The following MYLK3 variants were observed in gnomAD, a reference collection of about 807,000 sequenced individuals.
MYLK3 encodes MLC kinase.
MYLK3 carries 55 observed loss-of-function variants against 76.3 expected under a neutral mutation model. The observed-to-expected ratio is 0.72, with a 90% confidence interval of 0.58 to 0.90. MYLK3 has a LOEUF of 0.90. MYLK3 is among the 40% of genes least tolerant of loss of function. MYLK3 has a pLI of 0.00. For synonymous variants in MYLK3, 416 were observed against 425.4 expected (o/e 0.98, Z 0.27); for missense variants, 973 against 1,053.6 (o/e 0.92, Z 1.06).
chr16:46,710,572 TGC>T lies in MYLK3; in HGVS notation c.2267+63_2267+64del. On this transcript the variant is annotated intron_variant, in intron 11 of 12. Coordinates refer to ENST00000394809, the MANE Select transcript of MYLK3 (RefSeq NM_182493.3). Reference sequence around the variant, plus strand: ...GAAGGACCTTCACGGTCAGCAGTCCTGCCCAGCTCCCAGACCTGGGGTCCCCA... The same window carrying T: ...GAAGGACCTTCACGGTCAGCAGTCCTCCAGCTCCCAGACCTGGGGTCCCCA... The T allele has an allele frequency of 1.9e-6, 3 of 1,584,526 alleles. No individual in the cohort carries two copies. The South Asian group carries it at 3.3e-5, about 18-fold the overall frequency.
chr16:46,734,901 G>T (rs1457129002), intron 3 of MYLK3, among the ~76,000 whole-genome samples: 1 of 152,140 alleles, frequency 6.6e-6, no homozygotes, highest in Non-Finnish European at 1.5e-5. Context: ...CAGCACTTTG[G>T]GAGGCTGAGG....
intron 4 of MYLK3, among the ~76,000 whole-genome samples, chr16:46,730,940 GAGA>G (rs1555470494): frequency 6.6e-6 from 1 of 152,230 alleles, no homozygotes; most frequent in Non-Finnish European, 1.5e-5. Flanking sequence ...TGGCAAGGCC[GAGA>G]AGTTCTATCC....
intron 9 of MYLK3, among the ~76,000 whole-genome samples, chr16:46,715,835 G>A (rs1966732347): frequency 6.6e-6 from 1 of 152,120 alleles, no homozygotes; most frequent in African/African-American, 2.4e-5. Flanking sequence ...TGTATTGGGG[G>A]GAAATTAGCA....
At position 46,732,489 on chromosome 16, in the gene MYLK3, G is replaced by A. The variant is rs1463963501; in HGVS notation, c.1181C>T (p.Pro394Leu). The change falls in exon 4 of 13, where the codon CCT becomes CTT. Residue 394 changes from proline to leucine, a missense_variant. Physicochemically the swap from Pro to Leu is moderately conservative, Grantham distance 98 (BLOSUM62 -3). Coordinates refer to ENST00000394809, the MANE Select transcript of MYLK3 (RefSeq NM_182493.3). ...APGTEPGEQT[P>L]EGARELSPLQ... ...CGGGGAGAGCTCTCTGGCTCCTTCAGGGGTCTGTTCTCCGGGCTCAGTCCC... is the reference window on the plus strand; with the variant it reads ...CGGGGAGAGCTCTCTGGCTCCTTCAAGGGTCTGTTCTCCGGGCTCAGTCCC... The A allele has an allele frequency of 1.2e-6, 2 of 1,608,956 alleles. No homozygotes were observed. Among genetic ancestry groups the A allele is most frequent in the African/African-American group, 2.7e-5 (2 of 75,072 alleles).
chr16:46,732,156 C>T, intron 4 of MYLK3, 52 bp downstream of exon 4: 1 of 1,469,362 alleles, frequency 6.8e-7, no homozygotes, highest in Non-Finnish European at 9.1e-7. Context: ...GTAGGGGCTC[C>T]AAACTCCCTC....
chr16:46,725,126 T>A (rs575188588), intron 8 of MYLK3, among the ~76,000 whole-genome samples: 7 of 152,354 alleles, frequency 4.6e-5, no homozygotes, highest in African/African-American at 1.7e-4. Context: ...GAAATACAAT[T>A]GATTTTTGTA....
chr16:46,755,906 C>CTTTTTTTTTTTTTTTTTTTTTT (rs772833701), intron 1 of MYLK3, among the ~76,000 whole-genome samples: 1 of 109,772 alleles, frequency 9.1e-6, no homozygotes, highest in East Asian at 2.6e-4. Flanking sequence ...TTTTTTCTTT[C>CTTTTTTTTTTTTTTTTTTTTTT]TTTTTTTTTT....
chr16:46,739,332 A>T (rs1004675763), intron 2 of MYLK3, among the ~76,000 whole-genome samples: 1 of 152,162 alleles, frequency 6.6e-6, no homozygotes, highest in African/African-American at 2.4e-5. Context: ...TTGACTTTGG[A>T]ACCACATAAA....
At chr16:46,748,946 C>T (rs985291321), upstream of MYLK3, among the ~76,000 whole-genome samples, 1 of 152,136 alleles carries the variant, frequency 6.6e-6, no homozygotes, top group African/African-American at 2.4e-5. This position sits in a 1 kb window ranked among gnomAD's most constrained non-coding sequence, Gnocchi z 4.3. Context: ...AGCGCTGTCC[C>T]GAGGGCCATG....
At chr16:46,718,169 G>A (rs1480873473) in intron 9 of MYLK3, among the ~76,000 whole-genome samples, 4 of 152,144 alleles carry the variant, frequency 2.6e-5, no homozygotes, top group Non-Finnish European at 5.9e-5. Flanking sequence ...GGGAAATAAA[G>A]TCAAAAAGGG....
intron 1 of MYLK3, among the ~76,000 whole-genome samples, chr16:46,743,125 G>A (rs1218865881): frequency 6.6e-6 from 1 of 152,168 alleles, no homozygotes; most frequent in Non-Finnish European, 1.5e-5. Flanking sequence ...TAGAAGACTG[G>A]TGCCTCTGAA....
chr16:46,739,154 T>TA (rs1335033352), intron 2 of MYLK3, among the ~76,000 whole-genome samples: 1 of 151,752 alleles, frequency 6.6e-6, no homozygotes, highest in South Asian at 2.1e-4. Context: ...TATTTTGAAG[T>TA]AAAAAAAAAT....
intron 1 of MYLK3, among the ~76,000 whole-genome samples, chr16:46,753,478 C>T (rs1326788268): frequency 6.6e-6 from 1 of 152,290 alleles, no homozygotes; most frequent in Middle Eastern, 3.4e-3. Context: ...TTAGTACCTT[C>T]TTCAGAAATA....
In MYLK3 at chr16:46,732,421, C is replaced by A. The variant is rs779509518; in HGVS notation, c.1249G>T (p.Glu417Ter). ...SSPGGVKAEE[E>*]QRAGAEPGTR... Reference sequence around the variant, plus strand: ...CCAGGCTCGGCCCCAGCCCTTTGCTCCTCCTCTGCCTTCACTCCCCCGGGG... The same window carrying A: ...CCAGGCTCGGCCCCAGCCCTTTGCTACTCCTCTGCCTTCACTCCCCCGGGG... Residue 417 changes from glutamate to a stop codon, truncating the protein, a stop_gained, in exon 4 of 13, where the codon GAG (glutamate) becomes TAG (stop). Coordinates refer to ENST00000394809, the MANE Select transcript of MYLK3 (RefSeq NM_182493.3). LOFTEE classifies it high-confidence loss of function. 24 of 1,613,312 alleles carry A rather than the reference C, an allele frequency of 1.5e-5. No individual in the cohort carries two copies. The Admixed American group carries it at 3.8e-4, about 26-fold the overall frequency.
At chr16:46,731,969 C>A (rs1162248176) in intron 4 of MYLK3, among the ~76,000 whole-genome samples, 2 of 152,050 alleles carry the variant, frequency 1.3e-5, no homozygotes, top group African/African-American at 4.8e-5. Flanking sequence ...AGGAAATGTA[C>A]CCAGGTGGGC....
intron 1 of MYLK3, chr16:46,757,644 G>A (rs956043477): frequency 4.5e-5 from 44 of 972,372 alleles, no homozygotes; most frequent in Admixed American, 1.2e-4. Flanking sequence ...AGGCAGGAGC[G>A]ATAAGCCTGG....
rs145848728 is a variant in MYLK3, at chr16:46,734,194, G to A, written c.1002-1526C>T. 2.1e-3 allele frequency among the ~76,000 whole-genome samples: 321 copies of A among 152,262 alleles called. 2 individuals carry two copies. The Middle Eastern group carries it at 0.058, about 27-fold the overall frequency. On this transcript the variant is annotated intron_variant, in intron 3 of 12. Transcript: ENST00000394809. ...GATGGATAATACATAGACAGAAGGT[G>A]GTGTCTACGCATTATATAGCACAGA...
At chr16:46,725,936 T>A (rs1384023170) in intron 8 of MYLK3, 1 of 151,208 alleles carries the variant, frequency 6.6e-6, no homozygotes, top group Non-Finnish European at 1.5e-5. Flanking sequence ...TTTTCCAATG[T>A]TATCTTCTAC....
At chr16:46,745,783 A>G (rs1261043703) in intron 1 of MYLK3, among the ~76,000 whole-genome samples, 1 of 152,056 alleles carries the variant, frequency 6.6e-6, no homozygotes, top group Non-Finnish European at 1.5e-5. Context: ...GGTGCTACAG[A>G]TTGTGGGAAA....
Sources: gnomAD v4.1 joint callset for allele counts (sites outside exome capture counted in the v4.1 genomes callset) on GRCh38, gnomAD v4.1.1 for gene constraint, Gnocchi (gnomAD v3.1) non-coding constraint, MANE v1.5 for transcripts, NCBI Gene and HGNC (gene_info 2026-07-23, HGNC 2026-07-21) for gene names.